Variants in PBX3 observed in about 807,000 individuals in gnomAD.
PBX3 encodes the protein PBX homeobox 3.
PBX3 carries 14 observed loss-of-function variants against 48.5 expected under a neutral mutation model. The ratio of observed to expected loss-of-function variants is 0.29; its 90% CI spans 0.19 to 0.45. The LOEUF (loss-of-function observed/expected upper bound fraction) is 0.45. PBX3 is among the 20% of genes least tolerant of loss of function. PBX3 has a pLI of 1.00. For synonymous variants in PBX3, 210 were observed against 200.3 expected, an observed-to-expected ratio of 1.05 and a Z score of -0.41; for missense variants, 386 against 546.7, an observed-to-expected ratio of 0.71 and a Z score of 2.93.
At chr9:125,847,797 T>A (rs1435672410) in intron 2 of PBX3, among the ~76,000 whole-genome samples, 1 of 151,872 alleles carries the variant, frequency 6.6e-6, no homozygotes, top group East Asian at 1.9e-4. Context: ...GGCTATCTTG[T>A]CCCATCTTTC....
intron 2 of PBX3, among the ~76,000 whole-genome samples, chr9:125,883,263 T>G (rs75989364): frequency 6.6e-6 from 1 of 152,354 alleles, no homozygotes; most frequent in East Asian, 1.9e-4. Context: ...AGTTCTCTCA[T>G]CAGCTCAGAG....
chr9:125,915,800 C>T lies in PBX3; in HGVS notation c.389C>T (p.Ala130Val), dbSNP rs376106319. The T allele has an allele frequency of 2.0e-4, 316 of 1,613,640 alleles. No individual in the cohort carries two copies. The highest frequency in any genetic ancestry group is 2.2e-4 in the Non-Finnish European group (260 of 1,179,926). Residue 130 changes from alanine (A) to valine (V), a missense_variant, in exon 3 of 9, where the codon GCG (alanine) becomes GTG (valine). Ala to Val is a moderately conservative substitution (Grantham distance 64). Coordinates refer to ENST00000373489, the MANE Select transcript of PBX3 (RefSeq NM_006195.6). ...VSGPEKGGGS[A>V]AAAAAAAASG... ...GGTCCTGAGAAAGGTGGGGGATCGG[C>T]GGCAGCAGCTGCAGCCGCGGCAGCC...
At chr9:125,920,373 G>A (rs942408884) in intron 3 of PBX3, among the ~76,000 whole-genome samples, 4 of 152,244 alleles carry the variant, frequency 2.6e-5, no homozygotes, top group Admixed American at 2.0e-4. Context: ...TTAAGCCAAG[G>A]TTCCTGGGAA....
At chr9:125,760,016 C>T (rs1456343904) in intron 2 of PBX3, among the ~76,000 whole-genome samples, 4 of 152,148 alleles carry the variant, frequency 2.6e-5, no homozygotes, top group South Asian at 2.1e-4. Flanking sequence ...AGCAAGAACT[C>T]GGTAGTTGCT....
intron 2 of PBX3, among the ~76,000 whole-genome samples, chr9:125,868,142 T>C (rs1840034165): frequency 6.6e-6 from 1 of 152,080 alleles, no homozygotes; most frequent in African/African-American, 2.4e-5. Context: ...TCCAAAGTGC[T>C]GGGATTACAG....
chr9:125,891,989 G>A (rs1334501590), intron 2 of PBX3, among the ~76,000 whole-genome samples: 1 of 152,042 alleles, frequency 6.6e-6, no homozygotes, highest in Non-Finnish European at 1.5e-5. Context: ...GCGTGATCTC[G>A]GCTCACTGCA....
rs533880904 is a variant in PBX3 at position 125,747,606 on chromosome 9, C to G, written c.153C>G (p.His51Gln). ...AGCAGGACATCGGCGACATCCTCCA[C>G]CAGATCATGACCATCACCGACCAGA... ...GRKQDIGDIL[H>Q]QIMTITDQSL... The change falls in exon 1 of 9, where the codon CAC (histidine) becomes CAG (glutamine). Residue 51 changes from histidine to glutamine, a missense_variant. Transcript: ENST00000373489. 6.2e-7 allele frequency: 1 copy of G among 1,605,834 alleles called. No individual in the cohort carries two copies. The highest frequency in any genetic ancestry group is 8.5e-7 in the Non-Finnish European group (1 of 1,176,198).
At chr9:125,762,817 G>A (rs748578876) in intron 2 of PBX3, among the ~76,000 whole-genome samples, 19 of 151,896 alleles carry the variant, frequency 1.3e-4, no homozygotes, top group Non-Finnish European at 2.1e-4. Flanking sequence ...GATCTAAAGC[G>A]GTCAAAAAAA....
intron 2 of PBX3, among the ~76,000 whole-genome samples, chr9:125,821,842 A>G (rs558810464): frequency 6.6e-6 from 1 of 152,256 alleles, no homozygotes; most frequent in East Asian, 1.9e-4. Context: ...TTTACCCCTT[A>G]AAGGCTGCTA....
At chr9:125,948,868 G>A (rs1292115070) in intron 5 of PBX3, among the ~76,000 whole-genome samples, 1 of 152,132 alleles carries the variant, frequency 6.6e-6, no homozygotes, top group Non-Finnish European at 1.5e-5. Context: ...CTGGGCTCAA[G>A]TGATCCTCCC....
chr9:125,938,128 A>G (rs1288514123), intron 5 of PBX3, among the ~76,000 whole-genome samples: 1 of 152,242 alleles, frequency 6.6e-6, no homozygotes, highest in Non-Finnish European at 1.5e-5. Flanking sequence ...TTTAGAATAT[A>G]TGAAACTCTG....
At chr9:125,965,731 T>C in intron 8 of PBX3, 100 bp from the exon 9 acceptor site, 1 of 844,558 alleles carries the variant, frequency 1.2e-6, no homozygotes, top group Non-Finnish European at 2.0e-6. Context: ...TACATTTTGC[T>C]AATGCATCTC....
intron 2 of PBX3, among the ~76,000 whole-genome samples, chr9:125,781,430 G>T (rs947199721): frequency 2.0e-5 from 3 of 151,578 alleles, no homozygotes; most frequent in Non-Finnish European, 4.4e-5. Context: ...TGAGGCAGGA[G>T]AATCAGGCAG....
intron 8 of PBX3, among the ~76,000 whole-genome samples, chr9:125,964,963 G>C (rs1396067619): frequency 6.6e-6 from 1 of 152,300 alleles, no homozygotes; most frequent in Non-Finnish European, 1.5e-5. Context: ...GCAGGCACGG[G>C]GAGCCTGCTC....
intron 2 of PBX3, among the ~76,000 whole-genome samples, chr9:125,772,066 T>A (rs1169478349): frequency 6.6e-6 from 1 of 152,182 alleles, no homozygotes; most frequent in Non-Finnish European, 1.5e-5. Context: ...TTAGTACATT[T>A]GAAGCATGTA....
intron 3 of PBX3, among the ~76,000 whole-genome samples, chr9:125,916,260 T>C (rs1346253223): frequency 6.6e-6 from 1 of 152,230 alleles, no homozygotes; most frequent in African/African-American, 2.4e-5. Context: ...TTAACATTTA[T>C]GCACTAGCCT....
intron 2 of PBX3, among the ~76,000 whole-genome samples, chr9:125,789,417 T>C (rs1837540828): frequency 6.6e-6 from 1 of 152,188 alleles, no homozygotes; most frequent in African/African-American, 2.4e-5. Flanking sequence ...AGGGTTTGCC[T>C]CTCTGCTCAC....
At chr9:125,950,491 T>TTC (rs1242603461) in intron 5 of PBX3, among the ~76,000 whole-genome samples, 9 of 151,784 alleles carry the variant, frequency 5.9e-5, no homozygotes, top group South Asian at 2.1e-4. Context: ...TCTTTTTTTT[T>TTC]TTTTTGAGAC....
At chr9:125,779,194 A>G (rs1302512129) in intron 2 of PBX3, among the ~76,000 whole-genome samples, 1 of 143,900 alleles carries the variant, frequency 6.9e-6, no homozygotes, top group East Asian at 2.0e-4. Context: ...TCTACTCAGC[A>G]TAATGTTTTC....
Sources: gnomAD v4.1 joint callset for allele counts (sites outside exome capture counted in the v4.1 genomes callset) on GRCh38, gnomAD v4.1.1 for gene constraint, MANE v1.5 for transcripts, NCBI Gene and HGNC (gene_info 2026-07-23, HGNC 2026-07-21) for gene names.